Variants in NRXN3 observed in about 807,000 individuals in gnomAD.
NRXN3 encodes the protein neurexin 3, also known as neurexin III.
NRXN3 carries 32 observed loss-of-function variants against 137.6 expected under a neutral mutation model. That is an observed-to-expected ratio of 0.23 (90% CI 0.18 to 0.31). The LOEUF (loss-of-function observed/expected upper bound fraction) is 0.31. Among genes scored for constraint, NRXN3 ranks in the 10% least tolerant of loss-of-function variants. The pLI, the probability that NRXN3 is intolerant of heterozygous loss-of-function variation, is 1.00. For missense variants in NRXN3, 1,574 were observed against 2,062.5 expected, an observed-to-expected ratio of 0.76 and a Z score of 4.59; for synonymous variants, 798 against 784.5, an observed-to-expected ratio of 1.02 and a Z score of -0.29.
At chr14:79,474,019 C>G (rs1014681883) in intron 16 of NRXN3, among the ~76,000 whole-genome samples, 1 of 152,148 alleles carries the variant, frequency 6.6e-6, no homozygotes, top group Non-Finnish European at 1.5e-5. Context: ...CATGATATTT[C>G]TATCTAAATC....
chr14:79,142,522 AC>A, intron 15 of NRXN3, among the ~76,000 whole-genome samples: 1 of 152,350 alleles, frequency 6.6e-6, no homozygotes, highest in South Asian at 2.1e-4. Flanking sequence ...TATTAAAAAA[AC>A]AATGATCCAA....
chr14:78,843,317 AT>A (rs891776134), intron 10 of NRXN3, among the ~76,000 whole-genome samples: 81 of 152,154 alleles, frequency 5.3e-4, no homozygotes, highest in African/African-American at 1.9e-3. Context: ...TGTTTGGGTT[AT>A]TGTCCCAGGG....
At chr14:79,664,113 C>G (rs545288628) in intron 17 of NRXN3, among the ~76,000 whole-genome samples, 164 bp downstream of exon 17, 1 of 152,240 alleles carries the variant, frequency 6.6e-6, no homozygotes, top group South Asian at 2.1e-4. Flanking sequence ...AGGACTTGAT[C>G]CAGTATAGGG....
intron 4 of NRXN3, among the ~76,000 whole-genome samples, chr14:78,507,837 A>G (rs893084536): frequency 2.6e-5 from 4 of 152,190 alleles, no homozygotes; most frequent in African/African-American, 9.6e-5. Context: ...CTGAGTTGTT[A>G]CAAAACCAGA....
chr14:79,193,461 A>G (rs2064696199), intron 15 of NRXN3, among the ~76,000 whole-genome samples: 1 of 152,248 alleles, frequency 6.6e-6, no homozygotes, highest in South Asian at 2.1e-4. Flanking sequence ...TTAAATTTAG[A>G]TTATATTGCT....
rs938941325 is a variant in NRXN3 at position 79,616,368 on chromosome 14, T to C, written c.3445-47410T>C. 2.6e-5 allele frequency among the ~76,000 whole-genome samples: 4 copies of C among 151,772 alleles called. No individual in the cohort carries two copies. In the East Asian group the frequency reaches 7.7e-4, roughly 29 times the overall value. ...ATAGACAGAAGTGATGGGTGGGGAG[T>C]AGAATTGGTGAATCTACTCTTCTAA... On this transcript the variant is annotated intron_variant, in intron 16 of 20. Coordinates refer to ENST00000335750, the MANE Select transcript of NRXN3 (RefSeq NM_001330195.2).
chr14:79,102,018 A>G (rs1290197339), intron 15 of NRXN3, among the ~76,000 whole-genome samples: 1 of 152,204 alleles, frequency 6.6e-6, no homozygotes, highest in African/African-American at 2.4e-5. Flanking sequence ...ATCACTGGCG[A>G]CATCAGAAGC....
intron 4 of NRXN3, among the ~76,000 whole-genome samples, chr14:78,395,875 ACT>A (rs1233468294): frequency 6.6e-6 from 1 of 151,262 alleles, no homozygotes; most frequent in Non-Finnish European, 1.5e-5. Flanking sequence ...TGTCTGTATC[ACT>A]CTATTAGAAT....
chr14:79,719,125 G>A (rs562309211), intron 19 of NRXN3, among the ~76,000 whole-genome samples: 39 of 151,928 alleles, frequency 2.6e-4, no homozygotes, highest in African/African-American at 8.0e-4. Flanking sequence ...GAATCCCTTC[G>A]TCCCTTTGTT....
intron 8 of NRXN3, chr14:78,753,820 A>G (rs1270343119): frequency 6.6e-6 from 1 of 152,232 alleles, no homozygotes; most frequent in African/African-American, 2.4e-5. Context: ...TGGTCTAGTC[A>G]ATAGAAGAAG....
chr14:79,689,395 C>G (rs1209766599), intron 17 of NRXN3, among the ~76,000 whole-genome samples: 2 of 152,056 alleles, frequency 1.3e-5, no homozygotes, highest in Non-Finnish European at 2.9e-5. Flanking sequence ...GTTTCTAAAA[C>G]AGTTCTTACT....
intron 4 of NRXN3, among the ~76,000 whole-genome samples, chr14:78,331,042 G>C (rs553332458): frequency 6.6e-6 from 1 of 152,100 alleles, no homozygotes; most frequent in Admixed American, 6.6e-5. Context: ...ATTTTAAAGG[G>C]TCAGGGCTCT....
chr14:79,808,762 T>G (rs7160132), intron 20 of NRXN3, among the ~76,000 whole-genome samples: 3,031 of 152,280 alleles, frequency 0.02, 94 homozygotes, highest in African/African-American at 0.07. Context: ...AATTCAATTT[T>G]TATTTTCATA....
At chr14:78,847,042 G>T (rs751744129) in intron 10 of NRXN3, among the ~76,000 whole-genome samples, 1 of 152,006 alleles carries the variant, frequency 6.6e-6, no homozygotes, top group Non-Finnish European at 1.5e-5. Flanking sequence ...CCTCACTGTT[G>T]CTCAAGGCAG....
At chr14:78,787,526 C>G (rs2098792686) in intron 8 of NRXN3, among the ~76,000 whole-genome samples, 1 of 152,158 alleles carries the variant, frequency 6.6e-6, no homozygotes, top group South Asian at 2.1e-4. Context: ...ATTTACAGAT[C>G]TATACCCACA....
chr14:79,369,927 C>T (rs1353204294), intron 15 of NRXN3, among the ~76,000 whole-genome samples: 6 of 152,142 alleles, frequency 3.9e-5, no homozygotes. Flanking sequence ...TATGCTGCCC[C>T]CATTCTGTTG....
chr14:78,778,798 TTC>T (rs1264370648), intron 8 of NRXN3, among the ~76,000 whole-genome samples: 23 of 146,464 alleles, frequency 1.6e-4, no homozygotes, highest in East Asian at 6.0e-4. Flanking sequence ...CTTTCTTTCT[TTC>T]TTTCTTTCTT....
intron 4 of NRXN3, among the ~76,000 whole-genome samples, chr14:78,593,908 A>G (rs2097138111): frequency 6.6e-6 from 1 of 152,078 alleles, no homozygotes; most frequent in African/African-American, 2.4e-5. Flanking sequence ...CATGCAGAAT[A>G]TTGTATTCCA....
chr14:79,839,727 T>A (rs1191033087), intron 20 of NRXN3, among the ~76,000 whole-genome samples: 1 of 152,200 alleles, frequency 6.6e-6, no homozygotes, highest in Non-Finnish European at 1.5e-5. Context: ...CCCATACCAA[T>A]GTCTTATAGC....
Sources: allele counts gnomAD v4.1 joint callset (sites outside exome capture counted in the v4.1 genomes callset), GRCh38; gene constraint gnomAD v4.1.1; transcripts MANE v1.5; gene names NCBI Gene and HGNC (gene_info 2026-07-23, HGNC 2026-07-21).